The following IGSF10 variants were observed in gnomAD, a reference collection of about 807,000 sequenced individuals.
IGSF10 encodes calvaria mechanical force protein 608.
In IGSF10, 126 loss-of-function variants were observed where a neutral mutation model predicts 128.2. That is an observed-to-expected ratio of 0.98 (90% CI 0.85 to 1.14). IGSF10 has a LOEUF of 1.14. Ranked by LOEUF, IGSF10 falls within the 50% of genes most tolerant of loss-of-function variation. The pLI, the probability that IGSF10 is intolerant of heterozygous loss-of-function variation, is 0.00. For missense variants in IGSF10, 3,295 were observed against 3,149.8 expected, an observed-to-expected ratio of 1.05 and a Z score of -1.10; for synonymous variants, 1,185 against 1,146.2, an observed-to-expected ratio of 1.03 and a Z score of -0.68.
the IGSF10 span, among the ~76,000 whole-genome samples, chr3:151,590,310 G>A: frequency 1.3e-5 from 2 of 152,028 alleles, no homozygotes; most frequent in East Asian, 3.9e-4. Flanking sequence ...AAAGTGCTGG[G>A]ATTAAAGGCA....
At chr3:151,550,199 C>G in the IGSF10 span, among the ~76,000 whole-genome samples, 1 of 152,114 alleles carries the variant, frequency 6.6e-6, no homozygotes, top group Non-Finnish European at 1.5e-5. Context: ...TACACAATTT[C>G]ACAATTTTAC....
the IGSF10 span, among the ~76,000 whole-genome samples, chr3:151,495,971 T>G: frequency 6.6e-6 from 1 of 152,188 alleles, no homozygotes; most frequent in Non-Finnish European, 1.5e-5. Flanking sequence ...ATATCCGTAA[T>G]GCTACTGGTC....
the IGSF10 span, among the ~76,000 whole-genome samples, chr3:151,592,857 T>C: frequency 6.6e-6 from 1 of 152,156 alleles, no homozygotes; most frequent in East Asian, 1.9e-4. Flanking sequence ...ACAATTATCA[T>C]GAAATAGTCA....
At chr3:151,457,837 A>T (rs1721870405) in intron 3 of IGSF10, among the ~76,000 whole-genome samples, 1 of 152,194 alleles carries the variant, frequency 6.6e-6, no homozygotes, top group Admixed American at 6.5e-5. Flanking sequence ...ATTAGTTTTT[A>T]TTAATTGTAC....
chr3:151,453,138 C>T (rs1048099580), intron 5 of IGSF10, among the ~76,000 whole-genome samples: 1 of 152,172 alleles, frequency 6.6e-6, no homozygotes, highest in African/African-American at 2.4e-5. Flanking sequence ...AGATCAGCAA[C>T]ATTTTTATAA....
At chr3:151,557,725 AGAG>A in the IGSF10 span, among the ~76,000 whole-genome samples, 1 of 151,704 alleles carries the variant, frequency 6.6e-6, no homozygotes, top group Non-Finnish European at 1.5e-5. Flanking sequence ...TAATACAAGA[AGAG>A]TGAGTGGACT....
the IGSF10 span, among the ~76,000 whole-genome samples, chr3:151,526,899 C>CT: frequency 2.0e-5 from 3 of 152,180 alleles, no homozygotes; most frequent in African/African-American, 7.2e-5. Flanking sequence ...ACTGCCTGCA[C>CT]TGTGGCCACC....
the IGSF10 span, among the ~76,000 whole-genome samples, chr3:151,510,119 A>G: frequency 6.6e-6 from 1 of 152,222 alleles, no homozygotes; most frequent in Non-Finnish European, 1.5e-5. Context: ...ACAGCTTTGA[A>G]GAGAGTAGTG....
the IGSF10 span, among the ~76,000 whole-genome samples, chr3:151,483,126 A>G: frequency 2.0e-5 from 3 of 152,226 alleles, no homozygotes; most frequent in South Asian, 6.2e-4. Flanking sequence ...ACTAGTAGAG[A>G]TAAATTTAGA....
At chr3:151,526,665 C>A in the IGSF10 span, among the ~76,000 whole-genome samples, 1 of 152,144 alleles carries the variant, frequency 6.6e-6, no homozygotes, top group East Asian at 1.9e-4. Flanking sequence ...ATTTAAATTT[C>A]TTTCCTTGAT....
At chr3:151,516,345 TC>T in the IGSF10 span, among the ~76,000 whole-genome samples, 1 of 152,036 alleles carries the variant, frequency 6.6e-6, no homozygotes, top group Admixed American at 6.6e-5. Flanking sequence ...CCCTTGTCTT[TC>T]AATTCCCCAC....
chr3:151,435,830 T>G (rs200230903), downstream of IGSF10: 1 of 146,178 alleles, frequency 6.8e-6, no homozygotes, highest in Non-Finnish European at 1.5e-5. Context: ...CTTCATTATA[T>G]ATAATAGACC....
At chr3:151,545,167 C>A in the IGSF10 span, among the ~76,000 whole-genome samples, 1 of 151,978 alleles carries the variant, frequency 6.6e-6, no homozygotes, top group Non-Finnish European at 1.5e-5. Context: ...CTTGCATATT[C>A]TCTTTTTTTC....
In IGSF10 at chr3:151,445,887, CTCTGG is replaced by C; in HGVS notation, c.4089_4093del (p.Asp1363GlufsTer52). 6.2e-7 allele frequency: 1 copy of C among 1,614,176 alleles called. No homozygotes were observed. The highest frequency in any genetic ancestry group is 1.1e-5 in the South Asian group (1 of 91,088). ...AGCAGTGGGTGTAGTGAAGCCAGAA[CTCTGG>C]TCTGGAGAGATGTTTGGGTCAGTCC... On this transcript the variant is annotated frameshift_variant, in exon 6 of 8. Coordinates refer to ENST00000282466, the MANE Select transcript of IGSF10 (RefSeq NM_178822.5). LOFTEE classifies it high-confidence loss of function.
chr3:151,461,151 C>T (rs1017495582), upstream of IGSF10: 12 of 985,286 alleles, frequency 1.2e-5, no homozygotes, highest in African/African-American at 1.4e-4. Context: ...AAACGACCAC[C>T]GGGCCCCTCT....
At chr3:151,523,487 A>C in the IGSF10 span, among the ~76,000 whole-genome samples, 1 of 152,302 alleles carries the variant, frequency 6.6e-6, no homozygotes, top group South Asian at 2.1e-4. Context: ...CCAATGGAAC[A>C]GAATAGCAAG....
the IGSF10 span, among the ~76,000 whole-genome samples, chr3:151,489,571 C>A: frequency 1.3e-5 from 2 of 152,028 alleles, no homozygotes; most frequent in South Asian, 2.1e-4. Context: ...TAGAACCAAC[C>A]AAAATGCCAT....
the IGSF10 span, among the ~76,000 whole-genome samples, chr3:151,550,826 C>A: frequency 6.6e-6 from 1 of 152,062 alleles, no homozygotes; most frequent in Non-Finnish European, 1.5e-5. Context: ...TCTGTTGGCC[C>A]TTCATATCCT....
chr3:151,446,909 G>C lies in IGSF10; in HGVS notation c.3072C>G (p.Ser1024Arg). ...RKIGGRGRII[S>R]PYRTPVLRRH... is the part of the protein sequence containing the mutation. Reference sequence around the variant, plus strand: ...GTCGCAGAACTGGAGTTCTATATGGGCTGATAATCCGCCCCCTTCCGCCAA... The same window carrying C: ...GTCGCAGAACTGGAGTTCTATATGGCCTGATAATCCGCCCCCTTCCGCCAA... Residue 1024 changes from serine (S) to arginine (R), a missense_variant, in exon 6 of 8, where the codon AGC becomes AGG. By Grantham distance (110) the Ser-to-Arg change is moderately radical. Transcript: ENST00000282466. 6.2e-7 allele frequency: 1 copy of C among 1,614,160 alleles called. No individual in the cohort carries two copies. Among genetic ancestry groups the C allele is most frequent in the Non-Finnish European group, 8.5e-7 (1 of 1,180,024 alleles).
Sources: gnomAD v4.1 joint callset for allele counts (sites outside exome capture counted in the v4.1 genomes callset) on GRCh38, gnomAD v4.1.1 for gene constraint, MANE v1.5 for transcripts, NCBI Gene and HGNC (gene_info 2026-07-23, HGNC 2026-07-21) for gene names.